Variants in UTS2 observed in about 807,000 individuals in gnomAD.
UTS2 encodes urotensin 2.
A neutral mutation model predicts 12.6 loss-of-function variants in UTS2; 10 were observed. The observed-to-expected ratio is 0.80, with a 90% CI of 0.49 to 1.35. UTS2 has a LOEUF of 1.35. Ranked by LOEUF, UTS2 falls within the 40% of genes most tolerant of loss-of-function variation. The pLI, the probability that UTS2 is intolerant of heterozygous loss-of-function variation, is 0.00. For synonymous variants in UTS2, 52 were observed against 50.0 expected (o/e 1.04, Z -0.17); for missense variants, 142 against 143.2 (o/e 0.99, Z 0.04).
the UTS2 span, among the ~76,000 whole-genome samples, chr1:7,860,125 C>G: frequency 1.3e-5 from 2 of 152,116 alleles, no homozygotes; most frequent in African/African-American, 4.8e-5. Flanking sequence ...GTGTAGGGTA[C>G]TAGGGATGTA....
the UTS2 span, among the ~76,000 whole-genome samples, chr1:7,872,139 A>C: frequency 6.6e-6 from 1 of 151,870 alleles, no homozygotes; most frequent in Non-Finnish European, 1.5e-5. Flanking sequence ...GTCTCTACTA[A>C]AAGTACAAAA....
chr1:7,880,457 A>G, the UTS2 span, among the ~76,000 whole-genome samples: 1 of 152,058 alleles, frequency 6.6e-6, no homozygotes. Flanking sequence ...CACAAAAATA[A>G]AGAAAATCAA....
At chr1:7,848,528 T>C (rs1458817601) in intron 3 of UTS2, among the ~76,000 whole-genome samples, 2 of 151,848 alleles carry the variant, frequency 1.3e-5, no homozygotes, top group Non-Finnish European at 2.9e-5. Context: ...TGTATTGTAT[T>C]GTATTCTTTT....
the UTS2 span, among the ~76,000 whole-genome samples, chr1:7,910,835 C>A: frequency 6.6e-6 from 1 of 152,204 alleles, no homozygotes; most frequent in Non-Finnish European, 1.5e-5. Context: ...CTCCTGGGCT[C>A]AAGTGATCCT....
chr1:7,849,629 G>A lies in UTS2; in HGVS notation c.258+11C>T, dbSNP rs2097411825. 6.2e-7 allele frequency: 1 copy of A among 1,605,730 alleles called. No homozygotes were observed. The highest frequency in any genetic ancestry group is 1.3e-5 in the African/African-American group (1 of 74,500). ...CCTTTTTAAACCTAACTCATAAATAGAGTCACTTACCTTTCTCAAATTTCC... is the reference window on the plus strand; with the variant it reads ...CCTTTTTAAACCTAACTCATAAATAAAGTCACTTACCTTTCTCAAATTTCC... On this transcript the variant is annotated intron_variant, in intron 3 of 3. Transcript: ENST00000361696.
the UTS2 span, among the ~76,000 whole-genome samples, chr1:7,912,346 C>T: frequency 2.0e-5 from 3 of 152,192 alleles, no homozygotes; most frequent in African/African-American, 7.2e-5. Flanking sequence ...CTAATGAGGA[C>T]TCAGCGGCAT....
the UTS2 span, among the ~76,000 whole-genome samples, chr1:7,873,178 C>T: frequency 6.6e-6 from 1 of 152,220 alleles, no homozygotes; most frequent in Non-Finnish European, 1.5e-5. Context: ...TGCTCGCAAA[C>T]AGTGCACATG....
the UTS2 span, among the ~76,000 whole-genome samples, chr1:7,880,155 G>A: frequency 6.6e-6 from 1 of 152,042 alleles, no homozygotes; most frequent in East Asian, 1.9e-4. Flanking sequence ...CTACTCAGGA[G>A]GCTGAGATGG....
chr1:7,850,655 G>A (rs995211089), intron 2 of UTS2, among the ~76,000 whole-genome samples, 157 bp downstream of exon 2: 12 of 152,284 alleles, frequency 7.9e-5, no homozygotes, highest in African/African-American at 2.6e-4. Context: ...GGAAAAGAAG[G>A]TTGCACAGGC....
At chr1:7,854,826 T>G (rs1638274129), upstream of UTS2, among the ~76,000 whole-genome samples, 1 of 151,966 alleles carries the variant, frequency 6.6e-6, no homozygotes, top group African/African-American at 2.4e-5. Context: ...CCACAATGTA[T>G]GCATATATCA....
the UTS2 span, among the ~76,000 whole-genome samples, chr1:7,872,072 C>T: frequency 6.6e-6 from 1 of 151,800 alleles, no homozygotes; most frequent in South Asian, 2.1e-4. Context: ...GAGGCCGAGG[C>T]GGGTGGATCA....
upstream of UTS2, among the ~76,000 whole-genome samples, chr1:7,856,417 T>C (rs1638309943): frequency 6.6e-6 from 1 of 152,060 alleles, no homozygotes; most frequent in African/African-American, 2.4e-5. Flanking sequence ...CGGGATGCCC[T>C]GGAAAAGGGG....
the UTS2 span, among the ~76,000 whole-genome samples, chr1:7,874,194 C>T: frequency 6.6e-6 from 1 of 152,180 alleles, no homozygotes; most frequent in South Asian, 2.1e-4. Context: ...AATGAGAGAT[C>T]CCCGCAAGGC....
At chr1:7,876,482 C>T in the UTS2 span, among the ~76,000 whole-genome samples, 1 of 152,156 alleles carries the variant, frequency 6.6e-6, no homozygotes, top group African/African-American at 2.4e-5. Context: ...CTGTTATCAT[C>T]AATGCTATGC....
chr1:7,861,519 G>A, the UTS2 span, among the ~76,000 whole-genome samples: 2 of 152,222 alleles, frequency 1.3e-5, no homozygotes, highest in Non-Finnish European at 2.9e-5. Context: ...CGTCAGGAGA[G>A]AGATGGTTCA....
chr1:7,875,239 T>TTTTTG, the UTS2 span, among the ~76,000 whole-genome samples: 3 of 152,010 alleles, frequency 2.0e-5, no homozygotes, highest in Admixed American at 6.6e-5. Context: ...CAAGCCAAGC[T>TTTTTG]AATTTTTTGT....
At chr1:7,880,485 T>C in the UTS2 span, among the ~76,000 whole-genome samples, 8 of 152,078 alleles carry the variant, frequency 5.3e-5, no homozygotes, top group Admixed American at 1.3e-4. Context: ...TTACAACTGA[T>C]AAACTGATAC....
chr1:7,908,275 T>G, the UTS2 span, among the ~76,000 whole-genome samples: 1 of 141,300 alleles, frequency 7.1e-6, no homozygotes, highest in Non-Finnish European at 1.5e-5. Context: ...TCAGCCTGGG[T>G]GACAGAGTGA....
At chr1:7,893,520 A>T in the UTS2 span, among the ~76,000 whole-genome samples, 2 of 151,004 alleles carry the variant, frequency 1.3e-5, no homozygotes, top group South Asian at 2.1e-4. Context: ...AATAAATAAA[A>T]CAAACCAAAC....
Sources: allele counts gnomAD v4.1 joint callset (sites outside exome capture counted in the v4.1 genomes callset), GRCh38; gene constraint gnomAD v4.1.1; transcripts MANE v1.5; gene names NCBI Gene and HGNC (gene_info 2026-07-23, HGNC 2026-07-21).